CDHR1: variants seen among roughly 807,000 people sequenced by gnomAD.
The protein encoded by CDHR1 is cadherin related family member 1, also known as cadherin-related family member 1.
Under a neutral mutation model 72.1 loss-of-function variants are expected in CDHR1, and 61 were observed. That is an observed-to-expected ratio of 0.85 (90% CI 0.69 to 1.05). The LOEUF is 1.05. CDHR1 is among the 50% of genes least tolerant of loss of function. The probability of loss-of-function intolerance (pLI) is 0.00; values close to 1 mark genes in which losing one functional copy is unlikely to be tolerated. For missense variants in CDHR1, 1,186 were observed against 1,115.7 expected (o/e 1.06, Z -0.90); for synonymous variants, 470 against 448.1 (o/e 1.05, Z -0.62).
chr10:84,200,681 C>T lies in CDHR1; in HGVS notation c.519C>T (p.Phe173=), dbSNP rs201199547. 7 of 1,608,942 alleles carry T rather than the reference C, an allele frequency of 4.4e-6. No individual in the cohort carries two copies. The highest frequency in any genetic ancestry group is 1.6e-4 in the Middle Eastern group (1 of 6,064). The change falls in exon 6 of 17, where the codon TTC becomes TTT. Residue 173 remains phenylalanine, a synonymous_variant. Transcript: ENST00000623527. ...GCTCTGGAGGGAGTGTCACCTACTT[C>T]CTGCAGGTAAGGCAGGACACACAGG... ...DTGSGGSVTY[F]LQNLHSPFAV...
chr10:84,211,524 T>C (rs1163761204), intron 13 of CDHR1, 124 bp from the exon 14 acceptor site: 2 of 858,652 alleles, frequency 2.3e-6, no homozygotes, highest in Non-Finnish European at 3.9e-6. Flanking sequence ...TCCACCAATT[T>C]CTCCCCAGTT....
chr10:84,203,720 A>T (rs1842173568), intron 8 of CDHR1, among the ~76,000 whole-genome samples: 1 of 152,170 alleles, frequency 6.6e-6, no homozygotes, highest in African/African-American at 2.4e-5. Flanking sequence ...CCGGCCTATT[A>T]TTGACTTTAC....
At chr10:84,219,245 G>A (rs2132847604), downstream of CDHR1, 1 of 1,550,620 alleles carries the variant, frequency 6.4e-7, no homozygotes, top group Non-Finnish European at 8.7e-7. Context: ...CTGTACTCTA[G>A]AGTTTTTCAA....
Position 84,218,112 on chromosome 10 carries a change from G to A in CDHR1, c.*3491G>A. The A allele has an allele frequency of 1.0e-6, 1 of 985,474 alleles. No individual in the cohort carries two copies. The highest frequency in any genetic ancestry group is 4.7e-5 in the South Asian group (1 of 21,290). 61.0% of individuals were successfully genotyped at this position (985,474 alleles called of 1,614,324 possible). On this transcript the variant is annotated 3_prime_UTR_variant, in exon 17 of 17. Transcript: ENST00000623527. ...AGTGGCACATCCTGACAGTCTTCAA[G>A]GCCTTGGCCACCAAGGGATGGAGAG...
chr10:84,202,777 T>A (rs1842150851), intron 7 of CDHR1, among the ~76,000 whole-genome samples: 1 of 152,190 alleles, frequency 6.6e-6, no homozygotes, highest in Non-Finnish European at 1.5e-5. Context: ...TAACCCCACT[T>A]GCAAAGGAAT....
At position 84,212,402 on chromosome 10, in the gene CDHR1, A is replaced by C; in HGVS notation, c.1777A>C (p.Ile593Leu). 6.2e-7 allele frequency: 1 copy of C among 1,614,082 alleles called. No individual in the cohort carries two copies. The highest frequency in any genetic ancestry group is 8.5e-7 in the Non-Finnish European group (1 of 1,179,936). Residue 593 changes from isoleucine (I) to leucine (L), a missense_variant, in exon 15 of 17, where the codon ATT (isoleucine) becomes CTT (leucine). Physicochemically the swap from Ile to Leu is conservative, Grantham distance 5 (BLOSUM62 2). Transcript: ENST00000623527. ...GATGGTGCTAGGGACCCCAGTGAAA[A>C]TTGAGGTAAGTTTTGGAGGCAGCTG... is the stretch of plus-strand genomic sequence containing the variant. ...KTMVLGTPVK[I>L]EAIDEDAEEP...
chr10:84,200,691 A>G lies in CDHR1; in HGVS notation c.525+4A>G. On this transcript the variant is annotated splice_donor_region_variant and intron_variant, in intron 6 of 16. Coordinates refer to ENST00000623527, the MANE Select transcript of CDHR1 (RefSeq NM_033100.4). ...GAGTGTCACCTACTTCCTGCAGGTA[A>G]GGCAGGACACACAGGACCTAACCTG... 6.2e-7 allele frequency: 1 copy of G among 1,603,856 alleles called. No individual in the cohort carries two copies.
intron 12 of CDHR1, among the ~76,000 whole-genome samples, chr10:84,210,391 G>A (rs902042382): frequency 6.6e-6 from 1 of 152,020 alleles, no homozygotes. Context: ...TCAGCCTCCC[G>A]AGTAGCTGGG....
intron 8 of CDHR1, 70 bp downstream of exon 8, chr10:84,203,193 G>A (rs1842162375): frequency 1.1e-5 from 17 of 1,596,968 alleles, no homozygotes; most frequent in Non-Finnish European, 1.5e-5. Flanking sequence ...TGATTTTAGG[G>A]ACCCCCTGCT....
chr10:84,206,122 C>T (rs758731479), intron 10 of CDHR1, among the ~76,000 whole-genome samples, 195 bp downstream of exon 10: 14 of 152,038 alleles, frequency 9.2e-5, no homozygotes, highest in Non-Finnish European at 1.8e-4. Context: ...GCAACTGAAG[C>T]AGCAATGCCT....
chr10:84,195,693 G>A lies in CDHR1; in HGVS notation c.151+104G>A, dbSNP rs1018414755. 2.9e-5 allele frequency: 27 copies of A among 921,030 alleles called. No individual in the cohort carries two copies. The East Asian group carries it at 6.0e-4, about 21-fold the overall frequency. 57.1% of individuals were successfully genotyped at this position (921,030 alleles called of 1,614,324 possible). On this transcript the variant is annotated intron_variant, in intron 2 of 16. Coordinates refer to ENST00000623527, the MANE Select transcript of CDHR1 (RefSeq NM_033100.4). ...ACCACCCAAGTTGCTGCGCGCGCCC[G>A]GGGGCTCCTTGTTTGCTCTCCGAAT... is the stretch of plus-strand genomic sequence containing the variant.
Position 84,210,226 on chromosome 10 carries a change from T to G in CDHR1, c.1321-775T>G, listed in dbSNP as rs148720001. On this transcript the variant is annotated intron_variant, in intron 12 of 16. Transcript: ENST00000623527. ...AGAGCCAAGACTCGTTTTTTTTGTT[T>G]TTTTTGTTTTTGTTTTTGTTTTTTT... 7.3e-3 allele frequency among the ~76,000 whole-genome samples: 1,110 copies of G among 152,112 alleles called. 36 individuals are homozygous for G. Among genetic ancestry groups the G allele is most frequent in the East Asian group, 0.062 (320 of 5,170 alleles).
In CDHR1 at chr10:84,208,165, C is replaced by T. The variant is rs781171598; in HGVS notation, c.964-9C>T. On this transcript the variant is annotated splice_polypyrimidine_tract_variant and intron_variant, in intron 10 of 16. Coordinates refer to ENST00000623527, the MANE Select transcript of CDHR1 (RefSeq NM_033100.4). ...GCCACACAGCCATAGCCACTTGTCC[C>T]CATCCCAGGTGACTGAAATGAGCCC... 1 of 1,613,444 alleles carries T rather than the reference C, an allele frequency of 6.2e-7. No individual in the cohort carries two copies. The highest frequency in any genetic ancestry group is 8.5e-7 in the Non-Finnish European group (1 of 1,179,406).
intron 8 of CDHR1, 51 bp downstream of exon 8, chr10:84,203,174 T>C: frequency 6.2e-7 from 1 of 1,611,320 alleles, no homozygotes; most frequent in Non-Finnish European, 8.5e-7. Context: ...CCTCCTGCCC[T>C]GACCCTTGTG....
At chr10:84,213,429 AC>A in intron 16 of CDHR1, 81 bp downstream of exon 16, 1 of 1,577,796 alleles carries the variant, frequency 6.3e-7, no homozygotes, top group African/African-American at 1.3e-5. Context: ...AGCGAGAAGG[AC>A]CATCTCCAGG....
chr10:84,203,012 G>C lies in CDHR1; in HGVS notation c.672G>C (p.Val224=). 6.2e-7 allele frequency: 1 copy of C among 1,614,176 alleles called. No individual in the cohort carries two copies. Among genetic ancestry groups the C allele is most frequent in the Non-Finnish European group, 8.5e-7 (1 of 1,180,022 alleles). The change falls in exon 8 of 17, where the codon GTG becomes GTC. Residue 224 remains valine, a synonymous_variant. Coordinates refer to ENST00000623527, the MANE Select transcript of CDHR1 (RefSeq NM_033100.4). ...DGGGRLHGAD[V]VFSATTTVTV... Reference sequence around the variant, plus strand: ...GTGGGAGGCTTCATGGGGCTGATGTGGTGTTCTCAGCCACCACCACGGTCA... The same window carrying C: ...GTGGGAGGCTTCATGGGGCTGATGTCGTGTTCTCAGCCACCACCACGGTCA...
rs557510384 is a variant in CDHR1 at position 84,206,528 on chromosome 10, G to A, written c.963+601G>A. Reference sequence around the variant, plus strand: ...AAGGGATCCCATATTTTTATTTTTCGCTGGGCCTGCAAATTATGTAGCTGG... The same window carrying A: ...AAGGGATCCCATATTTTTATTTTTCACTGGGCCTGCAAATTATGTAGCTGG... On this transcript the variant is annotated intron_variant, in intron 10 of 16. Coordinates refer to ENST00000623527, the MANE Select transcript of CDHR1 (RefSeq NM_033100.4). 5.3e-5 allele frequency among the ~76,000 whole-genome samples: 8 copies of A among 152,164 alleles called. No homozygotes were observed. In the East Asian group the frequency reaches 7.7e-4, roughly 15 times the overall value.
Position 84,215,658 on chromosome 10 carries a change from C to T in CDHR1, c.*1037C>T. 21 of 983,512 alleles carry T rather than the reference C, an allele frequency of 2.1e-5. No individual in the cohort carries two copies. Among genetic ancestry groups the T allele is most frequent in the Non-Finnish European group, 2.4e-5 (20 of 828,150 alleles). The allele number at this position is 983,512 out of a possible 1,614,324, so 60.9% of individuals were successfully genotyped here. On this transcript the variant is annotated 3_prime_UTR_variant, in exon 17 of 17. Coordinates refer to ENST00000623527, the MANE Select transcript of CDHR1 (RefSeq NM_033100.4). ...TTGAAGAAAATAGTGGTGATGAGGG[C>T]TTTAACCAAGTGCAAAGCGGCATGA...
chr10:84,208,970 T>A, intron 12 of CDHR1, 89 bp downstream of exon 12: 1 of 1,363,664 alleles, frequency 7.3e-7, no homozygotes, highest in Non-Finnish European at 1.0e-6. Flanking sequence ...GGGTCTCTTG[T>A]CACTCTCTGC....
Sources: allele counts gnomAD v4.1 joint callset (sites outside exome capture counted in the v4.1 genomes callset), GRCh38; gene constraint gnomAD v4.1.1; transcripts MANE v1.5; gene names NCBI Gene and HGNC (gene_info 2026-07-23, HGNC 2026-07-21).